Variants in DLG2 observed in about 807,000 individuals in gnomAD.
DLG2 encodes the protein discs large MAGUK scaffold protein 2, also known as disks large homolog 2.
In DLG2, 45 loss-of-function variants were observed where a neutral mutation model predicts 132.5. That is an observed-to-expected ratio of 0.34 (90% confidence interval 0.27 to 0.44). The LOEUF is 0.44. DLG2 is among the 20% of genes least tolerant of loss of function. The pLI is 1.00. For missense variants in DLG2, 1,045 were observed against 1,196.9 expected (o/e 0.87, Z 1.87); for synonymous variants, 424 against 419.6 (o/e 1.01, Z -0.13).
At chr11:84,872,160 G>T (rs2085568437) in intron 6 of DLG2, among the ~76,000 whole-genome samples, 1 of 152,248 alleles carries the variant, frequency 6.6e-6, no homozygotes, top group African/African-American at 2.4e-5. Flanking sequence ...GGGAAATAAT[G>T]CTACTGACTC....
intron 19 of DLG2, among the ~76,000 whole-genome samples, chr11:83,604,418 T>C (rs1009063116): frequency 1.3e-5 from 2 of 152,202 alleles, no homozygotes; most frequent in Non-Finnish European, 1.5e-5. Context: ...AGTCATATTT[T>C]TGGTCAACTC....
At chr11:85,175,625 A>G in intron 4 of DLG2, among the ~76,000 whole-genome samples, 1 of 152,164 alleles carries the variant, frequency 6.6e-6, no homozygotes, top group Admixed American at 6.6e-5. Context: ...CAAACAGGCA[A>G]CAGAAGGAAA....
At chr11:84,704,218 CT>C (rs2059545088) in intron 6 of DLG2, among the ~76,000 whole-genome samples, 1 of 151,436 alleles carries the variant, frequency 6.6e-6, no homozygotes, top group South Asian at 2.1e-4. Context: ...AATTTGCAAA[CT>C]CACATCCCTA....
intron 9 of DLG2, among the ~76,000 whole-genome samples, chr11:84,150,289 A>C (rs1366100995): frequency 6.6e-6 from 1 of 152,086 alleles, no homozygotes; most frequent in Admixed American, 6.6e-5. Context: ...GGTTAGATGG[A>C]TTCCTAGGTT....
intron 6 of DLG2, among the ~76,000 whole-genome samples, chr11:84,867,187 C>T (rs1202515691): frequency 1.3e-5 from 2 of 152,290 alleles, no homozygotes; most frequent in Admixed American, 6.5e-5. Flanking sequence ...GTGAGAGACA[C>T]ATACAGAAAC....
intron 18 of DLG2, among the ~76,000 whole-genome samples, chr11:83,637,609 C>A: frequency 6.6e-6 from 1 of 152,158 alleles, no homozygotes; most frequent in East Asian, 1.9e-4. Flanking sequence ...CATTTTGTTT[C>A]CATGACATCA....
At chr11:84,225,435 G>A (rs1378295548) in intron 8 of DLG2, among the ~76,000 whole-genome samples, 1 of 152,200 alleles carries the variant, frequency 6.6e-6, no homozygotes, top group Non-Finnish European at 1.5e-5. Context: ...GGAGACAGTT[G>A]TTCCCAAAAC....
In DLG2 at chr11:84,591,329, TTTTGTTTG is replaced by T. The variant is rs1318385239; in HGVS notation, c.358-56606_358-56599del. Reference sequence around the variant, plus strand: ...ACCATGCCTTGTTTTTTTTTTTTTGTTTTGTTTGTTTGTTTGTTTGTTTCCCTCAGCAC... The same window carrying T: ...ACCATGCCTTGTTTTTTTTTTTTTGTTTTGTTTGTTTGTTTCCCTCAGCAC... On this transcript the variant is annotated intron_variant, in intron 6 of 27. Transcript: ENST00000376104. Among the ~76,000 whole-genome samples, 10 of 149,160 alleles carry T rather than the reference TTTTGTTTG, an allele frequency of 6.7e-5. No homozygotes were observed. The East Asian group carries it at 1.6e-3, about 24-fold the overall frequency.
intron 6 of DLG2, among the ~76,000 whole-genome samples, chr11:84,818,284 C>A (rs1426340803): frequency 6.6e-6 from 1 of 151,958 alleles, no homozygotes; most frequent in Non-Finnish European, 1.5e-5. Flanking sequence ...CAGTGCCGAG[C>A]ACTTACATAG....
At chr11:85,112,247 C>A (rs1203868761) in intron 5 of DLG2, among the ~76,000 whole-genome samples, 1 of 152,058 alleles carries the variant, frequency 6.6e-6, no homozygotes, top group East Asian at 1.9e-4. Flanking sequence ...ACATGAAAAA[C>A]TGAAGTGCAG....
intron 6 of DLG2, among the ~76,000 whole-genome samples, chr11:84,704,415 A>G (rs1246845439): frequency 6.6e-6 from 1 of 151,568 alleles, no homozygotes; most frequent in Non-Finnish European, 1.5e-5. Context: ...TTAGCTCTAT[A>G]AAACTATGGG....
chr11:85,547,614 G>A (rs1185334068), intron 3 of DLG2, among the ~76,000 whole-genome samples: 3 of 152,036 alleles, frequency 2.0e-5, no homozygotes, highest in Non-Finnish European at 2.9e-5. Context: ...GTCACTTTCC[G>A]GTACACCAAA....
chr11:84,993,866 T>G (rs2057382247), intron 6 of DLG2, among the ~76,000 whole-genome samples: 1 of 151,978 alleles, frequency 6.6e-6, no homozygotes, highest in Non-Finnish European at 1.5e-5. Context: ...AGTGTACGTT[T>G]ATTCATCCAT....
intron 6 of DLG2, among the ~76,000 whole-genome samples, chr11:84,801,246 A>C (rs2075334257): frequency 1.3e-5 from 2 of 152,298 alleles, no homozygotes; most frequent in South Asian, 4.1e-4. Context: ...GTGCCATGCT[A>C]TATTCTCCAG....
At chr11:83,532,928 T>A in intron 20 of DLG2, 145 bp from the exon 21 acceptor site, 1 of 694,314 alleles carries the variant, frequency 1.4e-6, no homozygotes, top group Non-Finnish European at 2.3e-6. Flanking sequence ...TTGTTCCATA[T>A]AAAAAATCTT....
chr11:84,032,747 C>T (rs1202593083), intron 11 of DLG2, among the ~76,000 whole-genome samples: 1 of 152,194 alleles, frequency 6.6e-6, no homozygotes, highest in East Asian at 1.9e-4. Context: ...CAATGCCTAG[C>T]TCCAAGCCTT....
intron 14 of DLG2, among the ~76,000 whole-genome samples, chr11:83,959,850 CAAGAAT>C (rs887363345): frequency 6.6e-6 from 1 of 151,868 alleles, no homozygotes; most frequent in Non-Finnish European, 1.5e-5. Flanking sequence ...CTGTAAAAAT[CAAGAAT>C]AAGAATATCA....
chr11:85,489,312 C>T (rs2093503786), intron 3 of DLG2, among the ~76,000 whole-genome samples: 2 of 152,032 alleles, frequency 1.3e-5, no homozygotes, highest in Non-Finnish European at 2.9e-5. Flanking sequence ...AGTGAAAAAA[C>T]ATTATGTCAC....
In DLG2 at chr11:84,374,131, T is replaced by C. The variant is rs542055074; in HGVS notation, c.520-122840A>G. ...GTTCCTTCCAAAATTATTTGTTTCA[T>C]GGGGAAAAGGATATCTCTAGGACCC... is the stretch of plus-strand genomic sequence containing the variant. On this transcript the variant is annotated intron_variant, in intron 7 of 27. Coordinates refer to ENST00000376104, the MANE Select transcript of DLG2 (RefSeq NM_001142699.3). Among the ~76,000 whole-genome samples the C allele has an allele frequency of 8.5e-5, 13 of 152,288 alleles. No individual in the cohort carries two copies. The South Asian group carries it at 1.7e-3, about 19-fold the overall frequency.
Sources: gnomAD v4.1 joint callset for allele counts (sites outside exome capture counted in the v4.1 genomes callset) on GRCh38, gnomAD v4.1.1 for gene constraint, MANE v1.5 for transcripts, NCBI Gene and HGNC (gene_info 2026-07-23, HGNC 2026-07-21) for gene names.